The following MPP7 variants were observed in gnomAD, a reference collection of about 807,000 sequenced individuals.
The protein encoded by MPP7 is MAGUK p55 subfamily member 7.
A neutral mutation model predicts 76.5 loss-of-function variants in MPP7; 60 were observed. The observed-to-expected ratio is 0.78, with a 90% CI of 0.64 to 0.97. The LOEUF (loss-of-function observed/expected upper bound fraction) is 0.97, where lower values mean the gene tolerates loss of function less well. MPP7 is among the 50% of genes least tolerant of loss of function. The pLI is 0.00. For synonymous variants in MPP7, 237 were observed against 244.5 expected, an observed-to-expected ratio of 0.97 and a Z score of 0.29; for missense variants, 641 against 694.0, an observed-to-expected ratio of 0.92 and a Z score of 0.86.
intron 1 of MPP7, among the ~76,000 whole-genome samples, chr10:28,245,102 T>A (rs560859380): frequency 1.3e-5 from 2 of 152,322 alleles, no homozygotes; most frequent in African/African-American, 4.8e-5. Context: ...AAGTCTTGGC[T>A]AAATCTTCAA....
At chr10:28,284,225 T>G (rs982507244) in intron 1 of MPP7, among the ~76,000 whole-genome samples, 1 of 152,154 alleles carries the variant, frequency 6.6e-6, no homozygotes, top group African/African-American at 2.4e-5. Flanking sequence ...AAAACCAGTG[T>G]CACCAAGATC....
At chr10:28,057,635 TAGTAAATTACCCAGTTTCAGG>T in intron 15 of MPP7, 1 of 371,690 alleles carries the variant, frequency 2.7e-6, no homozygotes, top group South Asian at 3.7e-5. Flanking sequence ...TTTTTTTTTT[TAGTAAATTACCCAGTTTCAGG>T]TATTTCTTCA....
intron 2 of MPP7, 63 bp from the exon 3 acceptor site, chr10:28,202,334 G>T (rs1402505514): frequency 1.6e-6 from 2 of 1,212,788 alleles, no homozygotes; most frequent in Non-Finnish European, 2.4e-6. Flanking sequence ...TTCGCCTAAG[G>T]TGTGTGTAAA....
rs185344033 is a variant in MPP7 at position 28,208,412 on chromosome 10, C to T, written c.38-6141G>A. ...GGGGTGTATATAACAGTGACAGGAA[C>T]TGTCAAGCAAACACCCCCTCCAGTA... On this transcript the variant is annotated intron_variant, in intron 2 of 16. Transcript: ENST00000683449. 5.9e-5 allele frequency among the ~76,000 whole-genome samples: 9 copies of T among 152,278 alleles called. No individual in the cohort carries two copies. The East Asian group carries it at 1.7e-3, about 29-fold the overall frequency.
At chr10:28,225,137 T>C (rs1199339062) in intron 2 of MPP7, among the ~76,000 whole-genome samples, 1 of 152,160 alleles carries the variant, frequency 6.6e-6, no homozygotes, top group African/African-American at 2.4e-5. Flanking sequence ...AAGAATGAAG[T>C]TCAACCCTTA....
At chr10:28,061,153 C>CA (rs200166603) in intron 13 of MPP7, among the ~76,000 whole-genome samples, 1 of 147,590 alleles carries the variant, frequency 6.8e-6, no homozygotes, top group African/African-American at 2.6e-5. Context: ...ATGAAAGAAC[C>CA]AAAAACAAAA....
chr10:28,055,423 TGATGAGC>T (rs1851517254), intron 16 of MPP7, among the ~76,000 whole-genome samples: 1 of 152,180 alleles, frequency 6.6e-6, no homozygotes, highest in Non-Finnish European at 1.5e-5. Flanking sequence ...CTAAAGTTAA[TGATGAGC>T]TAATTAAGAG....
At chr10:28,294,177 T>C (rs981783198) in intron 1 of MPP7, among the ~76,000 whole-genome samples, 1 of 152,106 alleles carries the variant, frequency 6.6e-6, no homozygotes, top group Non-Finnish European at 1.5e-5. Flanking sequence ...GTGCCTGTAG[T>C]CCAGTTTAAA....
chr10:28,223,996 G>A (rs1242090371), intron 2 of MPP7, among the ~76,000 whole-genome samples: 3 of 151,484 alleles, frequency 2.0e-5, no homozygotes, highest in Admixed American at 2.0e-4. Flanking sequence ...AGGAGTTCGA[G>A]ACCAGCCTAG....
chr10:28,301,496 T>C (rs1174982577), intron 1 of MPP7, among the ~76,000 whole-genome samples: 2 of 152,218 alleles, frequency 1.3e-5, no homozygotes, highest in African/African-American at 4.8e-5. Context: ...TTTCTTTACT[T>C]GAAAATAACC....
At chr10:28,156,535 T>C (rs988487576) in intron 3 of MPP7, among the ~76,000 whole-genome samples, 1 of 151,894 alleles carries the variant, frequency 6.6e-6, no homozygotes, top group South Asian at 2.1e-4. Flanking sequence ...TCAAAAACAG[T>C]CCAAGTAAAA....
At chr10:28,197,610 G>A (rs1837630781) in intron 3 of MPP7, among the ~76,000 whole-genome samples, 1 of 152,076 alleles carries the variant, frequency 6.6e-6, no homozygotes, top group African/African-American at 2.4e-5. Context: ...TCCAAATGAG[G>A]CCTATCTTAG....
chr10:28,256,583 G>A (rs1001885789), intron 1 of MPP7, among the ~76,000 whole-genome samples: 2 of 151,372 alleles, frequency 1.3e-5, no homozygotes, highest in Non-Finnish European at 2.9e-5. Context: ...AATGAAAAGT[G>A]GCACAGGGAG....
rs192067228 is a variant in MPP7 at position 28,268,399 on chromosome 10, A to G, written c.-131-29664T>C. ...ACGTTGTAAGCCACTTTAAATCTGA[A>G]TTTTAATTTTTACATTTTTAAAAAC... On this transcript the variant is annotated intron_variant, in intron 1 of 16. Transcript: ENST00000683449. Among the ~76,000 whole-genome samples the G allele has an allele frequency of 5.3e-5, 8 of 152,298 alleles. No homozygotes were observed. In the East Asian group the frequency reaches 1.5e-3, roughly 29 times the overall value.
At chr10:28,224,396 AT>A (rs1440246974) in intron 2 of MPP7, among the ~76,000 whole-genome samples, 1 of 152,020 alleles carries the variant, frequency 6.6e-6, no homozygotes, top group Non-Finnish European at 1.5e-5. Context: ...AAGACTGCAA[AT>A]TTTTTTGTTA....
chr10:28,168,072 G>C (rs938830863), intron 3 of MPP7, among the ~76,000 whole-genome samples: 5 of 151,962 alleles, frequency 3.3e-5, no homozygotes, highest in Non-Finnish European at 7.4e-5. Flanking sequence ...CCCCGTTTCT[G>C]CTAAAAATAC....
At chr10:28,143,883 G>A (rs1835614481) in intron 5 of MPP7, among the ~76,000 whole-genome samples, 1 of 148,146 alleles carries the variant, frequency 6.8e-6, no homozygotes, top group African/African-American at 2.5e-5. Context: ...GTGTGTGTGT[G>A]TGTGTGTGTG....
chr10:28,317,805 T>C (rs998472106), intron 2 of MPP7, among the ~76,000 whole-genome samples: 1 of 152,222 alleles, frequency 6.6e-6, no homozygotes, highest in African/African-American at 2.4e-5. Context: ...AAGCAGTTGC[T>C]GCCTTGGCAC....
In MPP7 at chr10:28,274,891, C is replaced by T. The variant is rs184804644; in HGVS notation, c.-132+27970G>A. Among the ~76,000 whole-genome samples the T allele has an allele frequency of 2.0e-3, 308 of 152,218 alleles. 2 individuals carry two copies. The highest frequency in any genetic ancestry group is 3.4e-3 in the Non-Finnish European group (233 of 68,032). ...TGACTTTCTAGTCACATTTAATTTGCTTTAGTTCAATTTTATCCTTAGATT... is the reference window on the plus strand; with the variant it reads ...TGACTTTCTAGTCACATTTAATTTGTTTTAGTTCAATTTTATCCTTAGATT... On this transcript the variant is annotated intron_variant, in intron 1 of 16. Transcript: ENST00000683449.
Sources: allele counts gnomAD v4.1 joint callset (sites outside exome capture counted in the v4.1 genomes callset), GRCh38; gene constraint gnomAD v4.1.1; transcripts MANE v1.5; gene names NCBI Gene and HGNC (gene_info 2026-07-23, HGNC 2026-07-21).